CCDC141: variants seen among roughly 807,000 people sequenced by gnomAD.
CCDC141 encodes coiled-coil domain containing 141.
A neutral mutation model predicts 181.0 loss-of-function variants in CCDC141; 168 were observed. The ratio of observed to expected loss-of-function variants is 0.93; its 90% CI spans 0.82 to 1.05. CCDC141 has a LOEUF of 1.05. CCDC141 is among the 50% of genes least tolerant of loss of function. CCDC141 has a pLI of 0.00. For missense variants in CCDC141, 1,902 were observed against 1,788.5 expected, an observed-to-expected ratio of 1.06 and a Z score of -1.14; for synonymous variants, 666 against 642.3, an observed-to-expected ratio of 1.04 and a Z score of -0.56.
chr2:178,942,918 G>A (rs1689580418), intron 6 of CCDC141, among the ~76,000 whole-genome samples: 1 of 151,950 alleles, frequency 6.6e-6, no homozygotes, highest in South Asian at 2.1e-4. Flanking sequence ...TTTGTTTATG[G>A]ACATCAGAGG....
At chr2:178,991,948 G>C (rs1342087373) in intron 2 of CCDC141, among the ~76,000 whole-genome samples, 1 of 151,906 alleles carries the variant, frequency 6.6e-6, no homozygotes, top group Non-Finnish European at 1.5e-5. Context: ...TCTTTAAAAT[G>C]TTACCAAAAT....
intron 6 of CCDC141, among the ~76,000 whole-genome samples, chr2:178,941,648 C>T (rs759736756): frequency 6.6e-6 from 1 of 151,798 alleles, no homozygotes; most frequent in Non-Finnish European, 1.5e-5. Context: ...AATAAACGAA[C>T]CTCCCCCTTT....
chr2:179,013,648 C>T (rs1046179274), intron 2 of CCDC141, among the ~76,000 whole-genome samples: 2 of 152,052 alleles, frequency 1.3e-5, no homozygotes, highest in African/African-American at 2.4e-5. Context: ...AAGGAGCCCA[C>T]ATAGCCAAAG....
intron 19 of CCDC141, among the ~76,000 whole-genome samples, chr2:178,854,837 A>G (rs1020444760): frequency 6.6e-6 from 1 of 152,250 alleles, no homozygotes; most frequent in East Asian, 1.9e-4. Flanking sequence ...TGTTCAAACA[A>G]TAACTTTAAC....
chr2:178,946,256 T>A (rs1325121845), intron 5 of CCDC141, among the ~76,000 whole-genome samples: 2 of 152,172 alleles, frequency 1.3e-5, no homozygotes, highest in African/African-American at 2.4e-5. Flanking sequence ...TTTTCTGGTA[T>A]CCAATTAGAG....
rs1686809795 is a variant in CCDC141, at chr2:178,884,973, T to C, written c.1647A>G (p.Leu549=). Residue 549 remains leucine, a synonymous_variant, in exon 11 of 24, where the codon CTA becomes CTG. Coordinates refer to ENST00000443758, the MANE Select transcript of CCDC141 (RefSeq NM_173648.4). ...KARWLAEELN[L]FGQSIDYRSQ... ...ATCTATAGTCAATGCTTTGGCCAAA[T>C]AGGTTTAATTCTTCTGCTAGCCATC... 1 of 1,550,318 alleles carries C rather than the reference T, an allele frequency of 6.5e-7. No individual in the cohort carries two copies. Among genetic ancestry groups the C allele is most frequent in the Admixed American group, 2.0e-5 (1 of 50,982 alleles).
rs186465214 is a variant in CCDC141 at position 178,993,416 on chromosome 2, C to T, written c.226-14741G>A. 6.5e-4 allele frequency among the ~76,000 whole-genome samples: 99 copies of T among 152,188 alleles called. 1 individual carries two copies. The highest frequency in any genetic ancestry group is 1.9e-3 in the African/African-American group (77 of 41,536). On this transcript the variant is annotated intron_variant, in intron 2 of 23. Transcript: ENST00000443758. ...GTGCCAGGCAAAGAGGGCTTGTGTA[C>T]GGAAACTCCCATTTTTAAAACCATC... is the stretch of plus-strand genomic sequence containing the variant.
the CCDC141 span, among the ~76,000 whole-genome samples, chr2:178,818,283 T>C: frequency 6.6e-6 from 1 of 152,174 alleles, no homozygotes. Context: ...CTTTTTAAAA[T>C]TTTATTTTAA....
intron 2 of CCDC141, among the ~76,000 whole-genome samples, chr2:179,020,285 T>C (rs191285800): frequency 6.6e-6 from 1 of 152,214 alleles, no homozygotes; most frequent in Non-Finnish European, 1.5e-5. Flanking sequence ...GTCAGTTATG[T>C]AGTCCCCACA....
At chr2:178,885,599 GCCTAAATAA>G (rs1201615696) in intron 10 of CCDC141, among the ~76,000 whole-genome samples, 1 of 152,028 alleles carries the variant, frequency 6.6e-6, no homozygotes, top group African/African-American at 2.4e-5. Context: ...TACATATCAG[GCCTAAATAA>G]CCTAAAAAAT....
Position 178,955,905 on chromosome 2 carries a change from A to G in CCDC141, c.780+5325T>C, listed in dbSNP as rs1247844654. Among the ~76,000 whole-genome samples the G allele has an allele frequency of 3.3e-5, 5 of 152,394 alleles. No individual in the cohort carries two copies. In the East Asian group the frequency reaches 9.6e-4, roughly 29 times the overall value. ...TTTATCACATCCTGTGAACTCAAAT[A>G]ATAAAACTGGTCTTCAATCTGAGAC... On this transcript the variant is annotated intron_variant, in intron 5 of 23. Coordinates refer to ENST00000443758, the MANE Select transcript of CCDC141 (RefSeq NM_173648.4).
chr2:178,831,072 A>C lies in CCDC141; in HGVS notation c.*3101T>G, dbSNP rs1390254032. The C allele has an allele frequency of 6.6e-6, 1 of 152,174 alleles. No individual in the cohort carries two copies. The highest frequency in any genetic ancestry group is 1.5e-5 in the Non-Finnish European group (1 of 68,030). The allele number at this position is 152,174 out of a possible 1,614,324, so 9.4% of individuals were successfully genotyped here. A position where few individuals can be genotyped will look rare whatever the true frequency, so the allele number is the denominator to read the frequency against. On this transcript the variant is annotated 3_prime_UTR_variant, in exon 24 of 24. Coordinates refer to ENST00000443758, the MANE Select transcript of CCDC141 (RefSeq NM_173648.4). Reference sequence around the variant, plus strand: ...TCATCTATTTTAAGTATGTGTCTTGATTATGAGTGATAGAGGTTACCATTA... The same window carrying C: ...TCATCTATTTTAAGTATGTGTCTTGCTTATGAGTGATAGAGGTTACCATTA...
At chr2:178,860,243 T>C (rs1261996683) in intron 17 of CCDC141, among the ~76,000 whole-genome samples, 2 of 152,044 alleles carry the variant, frequency 1.3e-5, no homozygotes, top group Non-Finnish European at 2.9e-5. Flanking sequence ...GACCCAAAAG[T>C]TCAAAATTTA....
At chr2:178,841,569 A>T (rs935952796) in intron 22 of CCDC141, among the ~76,000 whole-genome samples, 1 of 152,348 alleles carries the variant, frequency 6.6e-6, no homozygotes, top group Non-Finnish European at 1.5e-5. Context: ...TATAAAAATT[A>T]AAAAAATTAA....
At chr2:179,048,914 G>T (rs892968452) in intron 1 of CCDC141, among the ~76,000 whole-genome samples, 8 of 152,206 alleles carry the variant, frequency 5.3e-5, no homozygotes, top group African/African-American at 1.9e-4. Flanking sequence ...AACATGGCTT[G>T]CTGTCCATGC....
At position 178,945,152 on chromosome 2, in the gene CCDC141, C is replaced by CTTG. The variant is rs1689677555; in HGVS notation, c.781-502_781-501insCAA. Among the ~76,000 whole-genome samples the CTTG allele has an allele frequency of 6.6e-5, 10 of 152,234 alleles. No homozygotes were observed. In the South Asian group the frequency reaches 2.1e-3, roughly 32 times the overall value. On this transcript the variant is annotated intron_variant, in intron 5 of 23. Transcript: ENST00000443758. ...ATCCAGAAAATAGAGAGGTTATTAACATTTACATTGACTTGATTTATAATA... is the reference window on the plus strand; with the variant it reads ...ATCCAGAAAATAGAGAGGTTATTAACTTGATTTACATTGACTTGATTTATAATA...
intron 11 of CCDC141, among the ~76,000 whole-genome samples, chr2:178,880,698 A>G (rs13407625): frequency 0.021 from 3,198 of 152,286 alleles, 114 homozygotes; most frequent in African/African-American, 0.072. Context: ...CATTTACAAA[A>G]TGGGGATCAT....
At chr2:178,948,204 T>TG (rs71393446) in intron 5 of CCDC141, among the ~76,000 whole-genome samples, 4 of 144,552 alleles carry the variant, frequency 2.8e-5, no homozygotes, top group African/African-American at 1.0e-4. Flanking sequence ...CCTATCTCAA[T>TG]AAAAAAAAAA....
At chr2:178,880,846 T>C (rs1686569954) in intron 11 of CCDC141, among the ~76,000 whole-genome samples, 1 of 152,188 alleles carries the variant, frequency 6.6e-6, no homozygotes, top group Admixed American at 6.5e-5. Context: ...CCTGAAAGGA[T>C]GGTGGAGTCA....
Sources: gnomAD v4.1 joint callset for allele counts (sites outside exome capture counted in the v4.1 genomes callset) on GRCh38, gnomAD v4.1.1 for gene constraint, MANE v1.5 for transcripts, NCBI Gene and HGNC (gene_info 2026-07-23, HGNC 2026-07-21) for gene names.